Variants in GMPS observed in about 807,000 individuals in gnomAD.
GMPS encodes GMP synthase [glutamine-hydrolyzing].
In GMPS, 15 loss-of-function variants were observed where a neutral mutation model predicts 77.9. The observed-to-expected ratio is 0.19, with a 90% CI of 0.13 to 0.30. GMPS has a LOEUF of 0.30. Ranked by LOEUF, GMPS falls within the 10% of genes least tolerant of loss-of-function variation. GMPS has a pLI of 1.00. For missense variants in GMPS, 590 were observed against 838.8 expected, an observed-to-expected ratio of 0.70 and a Z score of 3.66; for synonymous variants, 224 against 275.9, an observed-to-expected ratio of 0.81 and a Z score of 1.86.
intron 13 of GMPS, 86 bp downstream of exon 13, chr3:155,931,966 G>A (rs181606244): frequency 3.3e-5 from 22 of 673,926 alleles, no homozygotes; most frequent in Non-Finnish European, 5.4e-5. Flanking sequence ...AGACCAAAAG[G>A]CTCAAATGTA....
At chr3:155,905,656 C>T (rs1418939652) in intron 4 of GMPS, among the ~76,000 whole-genome samples, 1 of 152,038 alleles carries the variant, frequency 6.6e-6, no homozygotes, top group Non-Finnish European at 1.5e-5. Flanking sequence ...TTGTATCTCC[C>T]TACTCTTAAG....
intron 15 of GMPS, 143 bp downstream of exon 15, chr3:155,936,653 C>T: frequency 1.8e-6 from 1 of 555,970 alleles, no homozygotes; most frequent in Middle Eastern, 4.8e-4. Flanking sequence ...TAAATTTTCA[C>T]ATATTTGATT....
At chr3:155,902,115 T>A (rs1191409892) in intron 3 of GMPS, among the ~76,000 whole-genome samples, 1 of 152,122 alleles carries the variant, frequency 6.6e-6, no homozygotes, top group Non-Finnish European at 1.5e-5. Context: ...AACCTTGGGG[T>A]TTATCCAGGA....
intron 10 of GMPS, among the ~76,000 whole-genome samples, chr3:155,921,141 G>C (rs563287942): frequency 9.5e-4 from 145 of 152,214 alleles, no homozygotes; most frequent in Non-Finnish European, 4.4e-5. Context: ...ACTGGTGGCT[G>C]CTAGGGGAGG....
intron 1 of GMPS, among the ~76,000 whole-genome samples, chr3:155,880,530 G>A (rs527663644): frequency 3.9e-5 from 6 of 152,268 alleles, no homozygotes; most frequent in African/African-American, 1.4e-4. Flanking sequence ...GCAGTGAAGT[G>A]CATAGATCTT....
chr3:155,871,899 C>A (rs1753915264), intron 1 of GMPS, among the ~76,000 whole-genome samples: 1 of 152,240 alleles, frequency 6.6e-6, no homozygotes, highest in Non-Finnish European at 1.5e-5. Flanking sequence ...CCTTCGCTTT[C>A]ACCTCTGTAT....
At chr3:155,932,611 C>A (rs924067648) in intron 13 of GMPS, among the ~76,000 whole-genome samples, 1 of 152,138 alleles carries the variant, frequency 6.6e-6, no homozygotes, top group Admixed American at 6.5e-5. Flanking sequence ...ATTAAATGTT[C>A]TTACTTCACA....
At chr3:155,876,815 C>A (rs749109334) in intron 1 of GMPS, among the ~76,000 whole-genome samples, 2 of 152,116 alleles carry the variant, frequency 1.3e-5, no homozygotes, top group African/African-American at 4.8e-5. Context: ...TTCTAAAATT[C>A]TTGAAAACTG....
At chr3:155,909,980 C>T (rs1334552895) in intron 5 of GMPS, among the ~76,000 whole-genome samples, 1 of 151,936 alleles carries the variant, frequency 6.6e-6, no homozygotes, top group Admixed American at 6.6e-5. Context: ...CGCAGTGGCT[C>T]ACGCCTGTAA....
intron 9 of GMPS, among the ~76,000 whole-genome samples, chr3:155,917,861 A>G (rs767380982): frequency 2.6e-5 from 4 of 152,056 alleles, no homozygotes; most frequent in Admixed American, 1.3e-4. Context: ...ACAAGAGTGA[A>G]ACTCTGTCTC....
chr3:155,870,687 G>T lies in GMPS; in HGVS notation c.-184G>T. The T allele has an allele frequency of 1.9e-6, 1 of 514,520 alleles. No homozygotes were observed. The allele number at this position is 514,520 out of a possible 1,614,324, so 31.9% of individuals were successfully genotyped here. A position where few individuals can be genotyped will look rare whatever the true frequency, so the allele number is the denominator to read the frequency against. ...GCTGGTCTTCTCTCCCGCGGCGCTG[G>T]GGCCCGCGCTCCGCTGCTGTTGCTC... On this transcript the variant is annotated 5_prime_UTR_variant, in exon 1 of 16. Coordinates refer to ENST00000496455, the MANE Select transcript of GMPS (RefSeq NM_003875.3).
chr3:155,919,189 C>T (rs1432302624), intron 9 of GMPS, 44 bp from the exon 10 acceptor site: 1 of 796,596 alleles, frequency 1.3e-6, no homozygotes, highest in Admixed American at 2.5e-5. Context: ...TCCATGTCAT[C>T]TTGGTTACTA....
intron 1 of GMPS, 37 bp from the exon 2 acceptor site, chr3:155,893,481 C>T: frequency 7.2e-7 from 1 of 1,396,220 alleles, no homozygotes. Flanking sequence ...CTTTAATTTT[C>T]ATAATTAAGA....
At chr3:155,878,343 CT>C (rs1375938754) in intron 1 of GMPS, among the ~76,000 whole-genome samples, 2 of 152,170 alleles carry the variant, frequency 1.3e-5, no homozygotes, top group Non-Finnish European at 2.9e-5. Context: ...TACTTTATTC[CT>C]TTTTATTACC....
chr3:155,908,979 G>C (rs999234031), intron 5 of GMPS, among the ~76,000 whole-genome samples: 1 of 152,108 alleles, frequency 6.6e-6, no homozygotes, highest in African/African-American at 2.4e-5. Flanking sequence ...TCCATGTGTA[G>C]AGGTGGGCAA....
intron 1 of GMPS, among the ~76,000 whole-genome samples, chr3:155,878,559 T>C (rs1754117409): frequency 6.6e-6 from 1 of 152,210 alleles, no homozygotes; most frequent in Non-Finnish European, 1.5e-5. Context: ...CGTTTAACCT[T>C]TTAGTGAACT....
At chr3:155,911,074 G>A in intron 6 of GMPS, 40 bp from the exon 7 acceptor site, 1 of 1,492,982 alleles carries the variant, frequency 6.7e-7, no homozygotes, top group Non-Finnish European at 9.2e-7. Context: ...TTTTCTTTTT[G>A]CTTGTTTTGC....
chr3:155,922,228 TA>T lies in GMPS; in HGVS notation c.1361del (p.Tyr454LeufsTer13). ...CAGAGTAATATGTGCTGAAGAACCTTATATTTGTAAGGACTTTCCTGAAACC... is the reference window on the plus strand; with the variant it reads ...CAGAGTAATATGTGCTGAAGAACCTTTATTTGTAAGGACTTTCCTGAAACC... ...AIRVICAEEP[Y>X]ICKDFPETNN... On this transcript the variant is annotated frameshift_variant, in exon 11 of 16. Transcript: ENST00000496455. LOFTEE classifies it high-confidence loss of function. 1 of 1,570,140 alleles carries T rather than the reference TA, an allele frequency of 6.4e-7. No individual in the cohort carries two copies. The highest frequency in any genetic ancestry group is 1.9e-5 in the Admixed American group (1 of 52,634).
At chr3:155,918,541 G>GTTGA (rs1163994482) in intron 9 of GMPS, among the ~76,000 whole-genome samples, 1 of 152,206 alleles carries the variant, frequency 6.6e-6, no homozygotes, top group Non-Finnish European at 1.5e-5. Context: ...AGCTAATGAT[G>GTTGA]TTGAGCATTT....
Sources: allele counts gnomAD v4.1 joint callset (sites outside exome capture counted in the v4.1 genomes callset), GRCh38; gene constraint gnomAD v4.1.1; transcripts MANE v1.5; gene names NCBI Gene and HGNC (gene_info 2026-07-23, HGNC 2026-07-21).